The following ARHGAP24 variants were observed in gnomAD, a reference collection of about 807,000 sequenced individuals.
ARHGAP24 encodes the protein Rho GTPase activating protein 24, also known as rho GTPase-activating protein 24.
A neutral mutation model predicts 76.4 loss-of-function variants in ARHGAP24; 50 were observed. The ratio of observed to expected loss-of-function variants is 0.65; its 90% CI spans 0.52 to 0.83. The LOEUF is 0.83. ARHGAP24 is among the 40% of genes least tolerant of loss of function. The probability of loss-of-function intolerance (pLI) is 0.00; values close to 1 mark genes in which losing one functional copy is unlikely to be tolerated. For missense variants in ARHGAP24, 930 were observed against 914.2 expected, an observed-to-expected ratio of 1.02 and a Z score of -0.22; for synonymous variants, 345 against 323.3, an observed-to-expected ratio of 1.07 and a Z score of -0.72.
chr4:85,677,846 T>C (rs1209446497), intron 2 of ARHGAP24, among the ~76,000 whole-genome samples: 1 of 152,164 alleles, frequency 6.6e-6, no homozygotes, highest in Non-Finnish European at 1.5e-5. Flanking sequence ...TTTAAAGAGC[T>C]GTTTCAGCCT....
At chr4:85,645,713 G>A (rs1007290869) in intron 2 of ARHGAP24, among the ~76,000 whole-genome samples, 43 of 152,020 alleles carry the variant, frequency 2.8e-4, no homozygotes, top group African/African-American at 9.7e-4. Context: ...CTTCCAATAA[G>A]CATTTCTCAT....
chr4:85,760,197 T>C (rs562330994), intron 3 of ARHGAP24, among the ~76,000 whole-genome samples: 19 of 152,292 alleles, frequency 1.2e-4, no homozygotes, highest in Non-Finnish European at 1.5e-5. Context: ...AACCTAAACA[T>C]TGGCCTAACT....
intron 3 of ARHGAP24, among the ~76,000 whole-genome samples, chr4:85,764,366 A>C (rs1188051981): frequency 6.6e-6 from 1 of 152,156 alleles, no homozygotes; most frequent in African/African-American, 2.4e-5. Flanking sequence ...GGGATTCTAC[A>C]CAGGAATACT....
intron 2 of ARHGAP24, among the ~76,000 whole-genome samples, chr4:85,681,190 A>T (rs1183747412): frequency 6.6e-6 from 1 of 152,080 alleles, no homozygotes; most frequent in African/African-American, 2.4e-5. Context: ...TTTTTATGAG[A>T]CAGTAGGATT....
At chr4:85,876,672 T>C (rs1732954941) in intron 3 of ARHGAP24, among the ~76,000 whole-genome samples, 1 of 152,164 alleles carries the variant, frequency 6.6e-6, no homozygotes, top group Non-Finnish European at 1.5e-5. Flanking sequence ...TAACATAAAA[T>C]CAAGATATGA....
rs374671512 is a variant in ARHGAP24, at chr4:85,923,744, G to A, written c.365G>A (p.Arg122Gln). ...DMEDWVKSIR[R>Q]VIWGPFGGGI... Reference sequence around the variant, plus strand: ...GAAGACTGGGTGAAGTCAATCCGCCGAGTCATATGGGGACCTTTCGGAGGA... The same window carrying A: ...GAAGACTGGGTGAAGTCAATCCGCCAAGTCATATGGGGACCTTTCGGAGGA... Residue 122 changes from arginine (R) to glutamine (Q), a missense_variant, in exon 4 of 10, where the codon CGA (arginine) becomes CAA (glutamine). By Grantham distance (43) the Arg-to-Gln change is conservative. Coordinates refer to ENST00000395184, the MANE Select transcript of ARHGAP24 (RefSeq NM_001025616.3). 100 of 1,613,888 alleles carry A rather than the reference G, an allele frequency of 6.2e-5. 2 individuals carry two copies. The East Asian group carries it at 1.2e-3, about 19-fold the overall frequency.
intron 3 of ARHGAP24, among the ~76,000 whole-genome samples, chr4:85,728,166 G>A (rs961329017): frequency 6.8e-6 from 1 of 146,614 alleles, no homozygotes; most frequent in Non-Finnish European, 1.5e-5. Context: ...GATTTCTTAG[G>A]AGATAGGTGA....
At chr4:85,829,752 A>C (rs1387902288) in intron 3 of ARHGAP24, among the ~76,000 whole-genome samples, 3 of 152,250 alleles carry the variant, frequency 2.0e-5, no homozygotes, top group African/African-American at 7.2e-5. Flanking sequence ...TCAACACAAG[A>C]GTATTCATCC....
chr4:85,870,593 A>G (rs77241365), intron 3 of ARHGAP24, among the ~76,000 whole-genome samples: 75 of 152,244 alleles, frequency 4.9e-4, no homozygotes, highest in African/African-American at 1.7e-3. Flanking sequence ...CTTTTCTACT[A>G]ACTCATCTGT....
intron 5 of ARHGAP24, among the ~76,000 whole-genome samples, chr4:85,967,874 C>T (rs1158793444): frequency 6.6e-6 from 1 of 152,006 alleles, no homozygotes; most frequent in African/African-American, 2.4e-5. Context: ...GCAGTTTGGG[C>T]CAAAATGGTT....
intron 1 of ARHGAP24, among the ~76,000 whole-genome samples, chr4:85,492,085 C>G (rs1043109269): frequency 6.6e-6 from 1 of 151,338 alleles, no homozygotes; most frequent in Admixed American, 6.6e-5. Context: ...TCCCTCTTCC[C>G]TCCTCCCTCC....
intron 5 of ARHGAP24, among the ~76,000 whole-genome samples, chr4:85,957,281 G>A (rs1737974816): frequency 6.6e-6 from 1 of 152,038 alleles, no homozygotes; most frequent in Non-Finnish European, 1.5e-5. Flanking sequence ...TATCAGTTTT[G>A]GGGTAAAAGG....
intron 3 of ARHGAP24, among the ~76,000 whole-genome samples, chr4:85,886,943 G>T (rs1464408616): frequency 6.6e-6 from 1 of 152,040 alleles, no homozygotes; most frequent in African/African-American, 2.4e-5. Context: ...TATATAAGCT[G>T]TTCAGCTTTT....
At chr4:85,745,904 T>C (rs1175229707) in intron 3 of ARHGAP24, among the ~76,000 whole-genome samples, 3 of 152,184 alleles carry the variant, frequency 2.0e-5, no homozygotes, top group Non-Finnish European at 4.4e-5. Flanking sequence ...TGATGCTAGG[T>C]ACTATGATTC....
At chr4:85,695,864 A>T (rs1723847501) in intron 2 of ARHGAP24, among the ~76,000 whole-genome samples, 1 of 152,198 alleles carries the variant, frequency 6.6e-6, no homozygotes, top group Non-Finnish European at 1.5e-5. Context: ...TATGGTACCC[A>T]ATAGCAAATA....
At chr4:85,582,356 T>G (rs966482810) in intron 2 of ARHGAP24, among the ~76,000 whole-genome samples, 1 of 152,124 alleles carries the variant, frequency 6.6e-6, no homozygotes, top group Non-Finnish European at 1.5e-5. Flanking sequence ...TAAAGAATCA[T>G]CATTTTACAT....
chr4:85,663,051 A>G lies in ARHGAP24; in HGVS notation c.181-58834A>G, dbSNP rs1011098952. Among the ~76,000 whole-genome samples, 41 of 151,964 alleles carry G rather than the reference A, an allele frequency of 2.7e-4. 1 individual carries two copies. Among genetic ancestry groups the G allele is most frequent in the African/African-American group, 6.5e-4 (27 of 41,450 alleles). On this transcript the variant is annotated intron_variant, in intron 2 of 9. Coordinates refer to ENST00000395184, the MANE Select transcript of ARHGAP24 (RefSeq NM_001025616.3). ...TTAAAGTAGTTTTTTCCAATTCTCT[A>G]AAGAAAGTCATTGGTAGCTTGATGG...
chr4:85,518,977 C>A (rs1994065), intron 1 of ARHGAP24, among the ~76,000 whole-genome samples: 38,605 of 152,020 alleles, frequency 0.25, 6,620 homozygotes, highest in East Asian at 0.79. Flanking sequence ...GTTTACATTC[C>A]CACCAGCAGT....
At chr4:85,703,466 A>G (rs1050033498) in intron 2 of ARHGAP24, among the ~76,000 whole-genome samples, 10 of 152,256 alleles carry the variant, frequency 6.6e-5, no homozygotes, top group African/African-American at 2.4e-4. Context: ...TTAACACATC[A>G]AAATACCCCC....
Sources: gnomAD v4.1 joint callset for allele counts (sites outside exome capture counted in the v4.1 genomes callset) on GRCh38, gnomAD v4.1.1 for gene constraint, MANE v1.5 for transcripts, NCBI Gene and HGNC (gene_info 2026-07-23, HGNC 2026-07-21) for gene names.